PTPRD: variants seen among roughly 807,000 people sequenced by gnomAD.
PTPRD encodes protein tyrosine phosphatase receptor type D, also known as receptor-type tyrosine-protein phosphatase delta.
Under a neutral mutation model 214.5 loss-of-function variants are expected in PTPRD, and 34 were observed. The ratio of observed to expected loss-of-function variants is 0.16; its 90% CI spans 0.12 to 0.21. The LOEUF is 0.21. Among genes scored for constraint, PTPRD ranks in the 10% least tolerant of loss-of-function variants. PTPRD has a pLI of 1.00. For missense variants in PTPRD, 2,545 were observed against 2,398.7 expected, an observed-to-expected ratio of 1.06 and a Z score of -1.27; for synonymous variants, 1,128 against 845.7, an observed-to-expected ratio of 1.33 and a Z score of -5.79.
At chr9:9,336,430 C>T (rs532995331) in intron 9 of PTPRD, among the ~76,000 whole-genome samples, 71 of 152,240 alleles carry the variant, frequency 4.7e-4, no homozygotes, top group Middle Eastern at 3.4e-3. Context: ...GGCCTGACGT[C>T]GCACAGTGAT....
chr9:8,848,593 TC>T (rs1417571024), intron 11 of PTPRD, among the ~76,000 whole-genome samples: 4 of 151,442 alleles, frequency 2.6e-5, no homozygotes, highest in African/African-American at 9.7e-5. Flanking sequence ...AATCCTCCTG[TC>T]TTGGCCTCCA....
intron 12 of PTPRD, among the ~76,000 whole-genome samples, chr9:8,663,335 A>G (rs780073813): frequency 1.3e-5 from 2 of 151,024 alleles, no homozygotes; most frequent in African/African-American, 4.9e-5. Flanking sequence ...ACAAGGAAAA[A>G]GCTACTATTA....
intron 9 of PTPRD, among the ~76,000 whole-genome samples, chr9:9,247,886 C>T (rs1392602745): frequency 2.6e-5 from 4 of 152,074 alleles, no homozygotes; most frequent in Non-Finnish European, 1.5e-5. Flanking sequence ...ATTTCATTTG[C>T]ATTTCTGCTA....
intron 8 of PTPRD, among the ~76,000 whole-genome samples, chr9:9,552,348 A>G (rs1346943927): frequency 6.6e-6 from 1 of 152,038 alleles, no homozygotes; most frequent in Non-Finnish European, 1.5e-5. Flanking sequence ...GTCAATTGCC[A>G]TTTTCTATAT....
At chr9:10,557,148 G>C (rs1338017785) in intron 2 of PTPRD, among the ~76,000 whole-genome samples, 2 of 151,972 alleles carry the variant, frequency 1.3e-5, no homozygotes, top group Non-Finnish European at 2.9e-5. Context: ...CAAATTAGTA[G>C]AAATAACAGA....
intron 10 of PTPRD, among the ~76,000 whole-genome samples, chr9:9,175,364 T>G (rs1171678785): frequency 6.6e-6 from 1 of 152,112 alleles, no homozygotes; most frequent in Non-Finnish European, 1.5e-5. Context: ...GGCTCACGCT[T>G]GTAATCCCAG....
intron 2 of PTPRD, among the ~76,000 whole-genome samples, chr9:10,568,048 G>A (rs945842030): frequency 5.9e-5 from 9 of 151,450 alleles, no homozygotes; most frequent in African/African-American, 1.7e-4. Flanking sequence ...CATGTGCCAT[G>A]TTGGTGTGCT....
intron 4 of PTPRD, among the ~76,000 whole-genome samples, chr9:9,965,792 T>G (rs1349221616): frequency 6.6e-6 from 1 of 152,168 alleles, no homozygotes; most frequent in Non-Finnish European, 1.5e-5. Context: ...TATGCTACAT[T>G]GTCAACATTA....
At chr9:9,714,189 T>C (rs769463396) in intron 7 of PTPRD, among the ~76,000 whole-genome samples, 4 of 152,176 alleles carry the variant, frequency 2.6e-5, no homozygotes, top group Admixed American at 6.5e-5. Context: ...CTTTTTACTC[T>C]TAATTGATTT....
At chr9:9,621,186 A>G (rs2095220543) in intron 7 of PTPRD, among the ~76,000 whole-genome samples, 1 of 152,234 alleles carries the variant, frequency 6.6e-6, no homozygotes. Context: ...TGGCAACAAG[A>G]AAGAATCTGC....
chr9:8,477,291 A>T (rs1269205999), intron 30 of PTPRD, among the ~76,000 whole-genome samples: 1 of 152,176 alleles, frequency 6.6e-6, no homozygotes, highest in Non-Finnish European at 1.5e-5. Flanking sequence ...TTCAGAATCA[A>T]TATATCTGGA....
rs868679509 is a variant in PTPRD at position 9,534,138 on chromosome 9, T to C, written c.-237+40594A>G. Among the ~76,000 whole-genome samples the C allele has an allele frequency of 2.0e-5, 3 of 152,182 alleles. No individual in the cohort carries two copies. In the South Asian group the frequency reaches 6.2e-4, roughly 32 times the overall value. On this transcript the variant is annotated intron_variant, in intron 8 of 45. Coordinates refer to ENST00000381196, the MANE Select transcript of PTPRD (RefSeq NM_002839.4). ...TATAAGTTGCTCATCCTCTCATACA[T>C]CGTGTTGCTATATTCGTTGTTTTGT...
intron 10 of PTPRD, among the ~76,000 whole-genome samples, chr9:9,172,005 T>C (rs959900187): frequency 1.3e-5 from 2 of 152,120 alleles, no homozygotes; most frequent in African/African-American, 4.8e-5. Context: ...GTCTTTAGGG[T>C]AATCTGTTGA....
At chr9:10,245,810 G>A (rs918254104) in intron 3 of PTPRD, among the ~76,000 whole-genome samples, 2 of 152,002 alleles carry the variant, frequency 1.3e-5, no homozygotes, top group African/African-American at 4.8e-5. Context: ...TATATGAAGG[G>A]TGCAAGCTAA....
intron 5 of PTPRD, among the ~76,000 whole-genome samples, chr9:9,804,011 T>C (rs2099058087): frequency 6.6e-6 from 1 of 152,114 alleles, no homozygotes; most frequent in South Asian, 2.1e-4. Flanking sequence ...CCACATTGCT[T>C]CATTCCAATG....
intron 9 of PTPRD, among the ~76,000 whole-genome samples, chr9:9,245,817 C>T (rs998717219): frequency 2.0e-5 from 3 of 152,020 alleles, no homozygotes; most frequent in African/African-American, 4.8e-5. Flanking sequence ...TGCCCAGGAA[C>T]GTTTGAATGT....
At chr9:8,849,393 A>AT (rs1174901418) in intron 11 of PTPRD, among the ~76,000 whole-genome samples, 1 of 151,840 alleles carries the variant, frequency 6.6e-6, no homozygotes, top group African/African-American at 2.4e-5. Context: ...CGCCCAGCTT[A>AT]TTTTTTGTAT....
chr9:10,366,478 C>G (rs1242356038), intron 2 of PTPRD, among the ~76,000 whole-genome samples: 1 of 152,088 alleles, frequency 6.6e-6, no homozygotes, highest in Non-Finnish European at 1.5e-5. Flanking sequence ...AATGAGCACA[C>G]TATACCAGAC....
At chr9:8,811,236 C>A (rs1328748086) in intron 11 of PTPRD, among the ~76,000 whole-genome samples, 4 of 152,120 alleles carry the variant, frequency 2.6e-5, no homozygotes, top group Non-Finnish European at 5.9e-5. Flanking sequence ...GAGAACCCTT[C>A]CCGACAACTT....
Sources: gnomAD v4.1 joint callset for allele counts (sites outside exome capture counted in the v4.1 genomes callset) on GRCh38, gnomAD v4.1.1 for gene constraint, MANE v1.5 for transcripts, NCBI Gene and HGNC (gene_info 2026-07-23, HGNC 2026-07-21) for gene names.